PHACTR3: variants seen among roughly 807,000 people sequenced by gnomAD.
PHACTR3 encodes protein phosphatase 1, regulatory subunit 123.
A neutral mutation model predicts 66.8 loss-of-function variants in PHACTR3; 16 were observed. That is an observed-to-expected ratio of 0.24 (90% CI 0.16 to 0.36). PHACTR3 has a LOEUF of 0.36. PHACTR3 is among the 10% of genes least tolerant of loss of function. The pLI is 1.00. For missense variants in PHACTR3, 647 were observed against 719.9 expected (o/e 0.90, Z 1.16); for synonymous variants, 323 against 292.1 (o/e 1.11, Z -1.08).
intron 5 of PHACTR3, among the ~76,000 whole-genome samples, chr20:59,772,128 T>C (rs1304114482): frequency 6.6e-6 from 1 of 152,178 alleles, no homozygotes; most frequent in Non-Finnish European, 1.5e-5. Flanking sequence ...TACTGGGAAA[T>C]GGCAGATCAA....
intron 7 of PHACTR3, among the ~76,000 whole-genome samples, chr20:59,797,369 GTT>G (rs146954073): frequency 6.8e-6 from 1 of 146,426 alleles, no homozygotes; most frequent in Non-Finnish European, 1.5e-5. Context: ...AATTATTGTG[GTT>G]TTTTTTTTGG....
At chr20:59,835,852 G>C (rs1318936502) in intron 8 of PHACTR3, 1 of 152,420 alleles carries the variant, frequency 6.6e-6, no homozygotes, top group Non-Finnish European at 1.5e-5. Flanking sequence ...AGCTGCGCTG[G>C]CTGGAAGAGA....
chr20:59,812,389 C>T (rs141793946), intron 8 of PHACTR3, among the ~76,000 whole-genome samples: 1,537 of 152,324 alleles, frequency 0.01, 7 homozygotes, highest in Non-Finnish European at 0.014. Flanking sequence ...CTCCAGAACA[C>T]GCTGCACCCT....
intron 7 of PHACTR3, among the ~76,000 whole-genome samples, chr20:59,775,973 A>T (rs955641093): frequency 1.3e-5 from 2 of 152,184 alleles, no homozygotes; most frequent in Admixed American, 1.3e-4. Flanking sequence ...CAGTGAAGAC[A>T]ATCTAAAATG....
chr20:59,750,749 C>G (rs1260445303), intron 3 of PHACTR3, among the ~76,000 whole-genome samples: 1 of 152,124 alleles, frequency 6.6e-6, no homozygotes, highest in East Asian at 1.9e-4. Flanking sequence ...AGGGGTTGCT[C>G]TGGGAGGGGA....
chr20:59,733,052 T>C (rs1354505702), intron 1 of PHACTR3, among the ~76,000 whole-genome samples: 1 of 148,688 alleles, frequency 6.7e-6, no homozygotes, highest in African/African-American at 2.5e-5. Context: ...TTTTCTTCCC[T>C]TTTTTGAATA....
intron 8 of PHACTR3, among the ~76,000 whole-genome samples, chr20:59,813,406 G>T (rs1011453098): frequency 1.3e-5 from 2 of 152,172 alleles, no homozygotes; most frequent in Non-Finnish European, 2.9e-5. Context: ...TTACCTACAG[G>T]GGGAGGCTGC....
intron 1 of PHACTR3, among the ~76,000 whole-genome samples, chr20:59,708,581 T>C (rs1415495886): frequency 6.6e-6 from 1 of 152,174 alleles, no homozygotes; most frequent in East Asian, 1.9e-4. Flanking sequence ...TGAGTCATAA[T>C]AGAGTCTGCT....
At chr20:59,599,228 A>T (rs1049251195) in intron 1 of PHACTR3, among the ~76,000 whole-genome samples, 45 of 152,166 alleles carry the variant, frequency 3.0e-4, no homozygotes, top group African/African-American at 1.1e-3. Flanking sequence ...TCATTCATTT[A>T]TTCATCAATG....
In PHACTR3 at chr20:59,774,323, G is replaced by A; in HGVS notation, c.1007G>A (p.Gly336Asp). The change falls in exon 7 of 13, where the codon GGC (glycine) becomes GAC (aspartate). Residue 336 changes from glycine (G) to aspartate (D), a missense_variant. Around this residue, in one of 2 missense-constraint regions of PHACTR3, gnomAD observed 577 missense variants for 571.1 expected, o/e 1.01. Coordinates refer to ENST00000371015, the MANE Select transcript of PHACTR3 (RefSeq NM_080672.5). ...TCGAGAACGTCCAGCGTGGAGCGGG[G>A]CAAGGAGAGGGAGGAGGCTTGGAGC... ...RLSRTSSVER[G>D]KEREEAWSFD... The A allele has an allele frequency of 6.2e-7, 1 of 1,614,208 alleles. No individual in the cohort carries two copies. Among genetic ancestry groups the A allele is most frequent in the South Asian group, 1.1e-5 (1 of 91,080 alleles).
chr20:59,635,149 T>TTCTCTTTCTTTCTTTCC lies in PHACTR3; in HGVS notation c.118+30018_118+30019insCTCTTTCTTTCTTTCCT, dbSNP rs1555881160. Among the ~76,000 whole-genome samples the TTCTCTTTCTTTCTTTCC allele has an allele frequency of 1.8e-3, 111 of 60,408 alleles. 3 individuals are homozygous for TTCTCTTTCTTTCTTTCC. Among genetic ancestry groups the TTCTCTTTCTTTCTTTCC allele is most frequent in the African/African-American group, 5.7e-3 (87 of 15,230 alleles). The allele number at this position is 60,408 out of a possible 152,430, so 39.6% of individuals were successfully genotyped here. A position where few individuals can be genotyped will look rare whatever the true frequency, so the allele number is the denominator to read the frequency against. ...TTTCTTTCTTTCTTTCTTTCTTTCT[T>TTCTCTTTCTTTCTTTCC]TTTCTTTCTTTCTTTCTTTCCTTTC... On this transcript the variant is annotated intron_variant, in intron 1 of 12. Coordinates refer to ENST00000371015, the MANE Select transcript of PHACTR3 (RefSeq NM_080672.5).
intron 8 of PHACTR3, among the ~76,000 whole-genome samples, chr20:59,816,798 G>A (rs2041899507): frequency 6.6e-6 from 1 of 152,182 alleles, no homozygotes; most frequent in South Asian, 2.1e-4. Context: ...TGGATGGTGG[G>A]ATGATTGAAC....
intron 7 of PHACTR3, among the ~76,000 whole-genome samples, chr20:59,794,545 G>T (rs1017166845): frequency 1.3e-5 from 2 of 152,116 alleles, no homozygotes; most frequent in Non-Finnish European, 2.9e-5. Context: ...AACAGGTAAT[G>T]CTGGCCTTGT....
At chr20:59,745,661 T>C (rs1031324297) in intron 2 of PHACTR3, among the ~76,000 whole-genome samples, 2 of 152,156 alleles carry the variant, frequency 1.3e-5, no homozygotes, top group African/African-American at 4.8e-5. Context: ...AAGAGAAATA[T>C]GTAGCAAACA....
chr20:59,735,010 C>A (rs1449538783), intron 1 of PHACTR3, among the ~76,000 whole-genome samples: 1 of 152,024 alleles, frequency 6.6e-6, no homozygotes, highest in Admixed American at 6.5e-5. Flanking sequence ...GTCACTGAGT[C>A]CCCCGGGAGA....
rs148202938 is a variant in PHACTR3, at chr20:59,679,017, C to T, written c.119-64090C>T. ...ACAAGTTCCCAGGTGATGCTGACGC[C>T]GGTCCAGCACTGCACTTTGAATCAC... is the stretch of plus-strand genomic sequence containing the variant. On this transcript the variant is annotated intron_variant, in intron 1 of 12. Transcript: ENST00000371015. 2.5e-3 allele frequency among the ~76,000 whole-genome samples: 386 copies of T among 152,244 alleles called. 1 individual carries two copies. Among genetic ancestry groups the T allele is most frequent in the African/African-American group, 7.0e-3 (289 of 41,530 alleles).
At chr20:59,765,593 C>T (rs2040153797) in intron 4 of PHACTR3, among the ~76,000 whole-genome samples, 1 of 152,214 alleles carries the variant, frequency 6.6e-6, no homozygotes, top group African/African-American at 2.4e-5. Flanking sequence ...GAGTTTAAAA[C>T]TTCCAACATA....
intron 1 of PHACTR3, among the ~76,000 whole-genome samples, chr20:59,693,275 A>C (rs560171728): frequency 6.6e-5 from 10 of 152,232 alleles, no homozygotes; most frequent in Non-Finnish European, 1.2e-4. Flanking sequence ...GACTTAGCCC[A>C]CAATCCGTCC....
intron 4 of PHACTR3, among the ~76,000 whole-genome samples, chr20:59,759,279 C>A (rs938865293): frequency 6.6e-6 from 1 of 152,220 alleles, no homozygotes; most frequent in Non-Finnish European, 1.5e-5. Flanking sequence ...TGTTCAGAAG[C>A]TTGGCCATGA....
Sources: allele counts gnomAD v4.1 joint callset (sites outside exome capture counted in the v4.1 genomes callset), GRCh38; gene constraint gnomAD v4.1.1; regional missense constraint gnomAD v4.1.1; transcripts MANE v1.5; gene names NCBI Gene and HGNC (gene_info 2026-07-23, HGNC 2026-07-21).